GPC5: variants seen among roughly 807,000 people sequenced by gnomAD.
GPC5 encodes glypican 5.
Under a neutral mutation model 53.9 loss-of-function variants are expected in GPC5, and 47 were observed. That is an observed-to-expected ratio of 0.87 (90% CI 0.69 to 1.11). The LOEUF (loss-of-function observed/expected upper bound fraction) is 1.11, where lower values mean the gene tolerates loss of function less well. Ranked by LOEUF, GPC5 falls within the 50% of genes most tolerant of loss-of-function variation. GPC5 has a pLI of 0.00. For missense variants in GPC5, 748 were observed against 713.1 expected (o/e 1.05, Z -0.56); for synonymous variants, 286 against 263.3 (o/e 1.09, Z -0.84).
chr13:92,717,909 G>A (rs963523608), intron 7 of GPC5, among the ~76,000 whole-genome samples: 4 of 151,768 alleles, frequency 2.6e-5, no homozygotes, highest in African/African-American at 7.3e-5. Context: ...CAACTCAATA[G>A]GAAAAAATCT....
chr13:91,649,405 C>T (rs867843186), intron 2 of GPC5, among the ~76,000 whole-genome samples: 32 of 152,114 alleles, frequency 2.1e-4, no homozygotes, highest in African/African-American at 7.2e-5. Flanking sequence ...CTACTACACA[C>T]GTTTCTTGTG....
At chr13:92,764,227 G>A (rs1875303071) in intron 7 of GPC5, among the ~76,000 whole-genome samples, 1 of 152,206 alleles carries the variant, frequency 6.6e-6, no homozygotes, top group African/African-American at 2.4e-5. Context: ...GACCTCACGA[G>A]GTAGGGCATA....
At chr13:92,186,541 C>G (rs2042185098) in intron 7 of GPC5, among the ~76,000 whole-genome samples, 1 of 151,968 alleles carries the variant, frequency 6.6e-6, no homozygotes, top group African/African-American at 2.4e-5. Flanking sequence ...GAATTAAACA[C>G]AAATGCTTAG....
At chr13:92,023,243 C>G (rs541835405) in intron 6 of GPC5, among the ~76,000 whole-genome samples, 1 of 152,006 alleles carries the variant, frequency 6.6e-6, no homozygotes, top group Non-Finnish European at 1.5e-5. Flanking sequence ...TTTATATTGT[C>G]TCAAATCAAA....
chr13:92,317,009 A>G (rs946203404), intron 7 of GPC5, among the ~76,000 whole-genome samples: 4 of 152,206 alleles, frequency 2.6e-5, no homozygotes, highest in African/African-American at 9.7e-5. Context: ...TCTATCTTAA[A>G]ATAAACTACA....
intron 7 of GPC5, among the ~76,000 whole-genome samples, chr13:92,671,535 T>C (rs1363727391): frequency 2.0e-5 from 3 of 152,170 alleles, no homozygotes; most frequent in African/African-American, 7.2e-5. Flanking sequence ...ACCATGGTAG[T>C]AGGTATTTTA....
chr13:91,860,248 A>G (rs2039011964), intron 5 of GPC5, among the ~76,000 whole-genome samples: 1 of 152,010 alleles, frequency 6.6e-6, no homozygotes, highest in African/African-American at 2.4e-5. Context: ...AGCCTCTAGC[A>G]TCCTCTGTTT....
intron 6 of GPC5, among the ~76,000 whole-genome samples, chr13:92,128,801 A>G (rs2041720605): frequency 6.6e-6 from 1 of 152,092 alleles, no homozygotes; most frequent in Non-Finnish European, 1.5e-5. Flanking sequence ...CATCTCTACT[A>G]AAAATACAAA....
intron 2 of GPC5, among the ~76,000 whole-genome samples, chr13:91,624,151 G>A (rs1300024470): frequency 6.6e-6 from 1 of 152,016 alleles, no homozygotes; most frequent in Admixed American, 6.6e-5. Context: ...TAAATAAAAG[G>A]AGTTCTACCA....
At chr13:91,843,976 T>C (rs1435482409) in intron 5 of GPC5, among the ~76,000 whole-genome samples, 1 of 152,090 alleles carries the variant, frequency 6.6e-6, no homozygotes, top group African/African-American at 2.4e-5. Context: ...AGGATGAGGA[T>C]TGGGTCTGTG....
At chr13:92,718,795 C>T (rs573634640) in intron 7 of GPC5, among the ~76,000 whole-genome samples, 1 of 151,306 alleles carries the variant, frequency 6.6e-6, no homozygotes, top group African/African-American at 2.4e-5. Context: ...ATTGCTTGAG[C>T]CTTGAGCAAT....
chr13:92,827,282 T>C (rs1877883578), intron 7 of GPC5, among the ~76,000 whole-genome samples: 1 of 152,158 alleles, frequency 6.6e-6, no homozygotes, highest in Admixed American at 6.6e-5. Context: ...ACATAACTTT[T>C]GAAAGACGAT....
chr13:91,968,008 A>T (rs554176465), intron 6 of GPC5, among the ~76,000 whole-genome samples: 4 of 152,160 alleles, frequency 2.6e-5, no homozygotes, highest in African/African-American at 9.6e-5. Flanking sequence ...CTTTGGGACC[A>T]TTATACTTTT....
chr13:92,155,341 C>T (rs1374263024), intron 7 of GPC5, among the ~76,000 whole-genome samples: 1 of 151,900 alleles, frequency 6.6e-6, no homozygotes, highest in Non-Finnish European at 1.5e-5. Context: ...CCATTATTAG[C>T]CACTTGCTTT....
At chr13:91,523,568 G>A (rs1378134792) in intron 2 of GPC5, among the ~76,000 whole-genome samples, 2 of 152,162 alleles carry the variant, frequency 1.3e-5, no homozygotes, top group Admixed American at 6.5e-5. Flanking sequence ...GTTACCAGGA[G>A]CATGGATGGG....
intron 5 of GPC5, among the ~76,000 whole-genome samples, chr13:91,784,556 C>T (rs1477576486): frequency 6.6e-6 from 1 of 152,032 alleles, no homozygotes; most frequent in Non-Finnish European, 1.5e-5. Flanking sequence ...AAAACCTGGT[C>T]TCTACTAAAA....
chr13:91,615,203 C>A (rs2033662767), intron 2 of GPC5, among the ~76,000 whole-genome samples: 1 of 152,116 alleles, frequency 6.6e-6, no homozygotes, highest in Non-Finnish European at 1.5e-5. Context: ...TCGTAAGAGT[C>A]TGTATGAGTA....
intron 7 of GPC5, among the ~76,000 whole-genome samples, chr13:92,174,531 A>G (rs118138864): frequency 0.025 from 3,569 of 144,454 alleles, 44 homozygotes; most frequent in Admixed American, 0.032. Flanking sequence ...CGAGATTCCA[A>G]CTCAAAGAAA....
At chr13:92,492,125 C>T (rs188854345) in intron 7 of GPC5, among the ~76,000 whole-genome samples, 144 of 152,168 alleles carry the variant, frequency 9.5e-4, no homozygotes, top group South Asian at 2.1e-3. Flanking sequence ...ATAGAAGAAG[C>T]AGGTATAGAC....
Sources: allele counts gnomAD v4.1 joint callset (sites outside exome capture counted in the v4.1 genomes callset), GRCh38; gene constraint gnomAD v4.1.1; transcripts MANE v1.5; gene names NCBI Gene and HGNC (gene_info 2026-07-23, HGNC 2026-07-21).